Variants in EIF2AK4 observed in about 807,000 individuals in gnomAD.
EIF2AK4 encodes the protein eukaryotic translation initiation factor 2 alpha kinase 4, also known as eIF-2-alpha kinase GCN2.
Under a neutral mutation model 211.1 loss-of-function variants are expected in EIF2AK4, and 139 were observed. That is an observed-to-expected ratio of 0.66 (90% CI 0.57 to 0.76). The LOEUF (loss-of-function observed/expected upper bound fraction) is 0.76. Among genes scored for constraint, EIF2AK4 ranks in the 30% least tolerant of loss-of-function variants. The pLI is 0.00. For missense variants in EIF2AK4, 1,664 were observed against 2,043.8 expected (o/e 0.81, Z 3.58); for synonymous variants, 710 against 751.3 (o/e 0.94, Z 0.90).
chr15:39,961,225 A>G (rs777629302), intron 6 of EIF2AK4, among the ~76,000 whole-genome samples: 6 of 152,240 alleles, frequency 3.9e-5, no homozygotes, highest in East Asian at 3.8e-4. Flanking sequence ...TGTGCACTCA[A>G]TGGCTGGAGG....
At chr15:39,979,950 A>C (rs2034757964) in intron 13 of EIF2AK4, among the ~76,000 whole-genome samples, 1 of 152,240 alleles carries the variant, frequency 6.6e-6, no homozygotes, top group Admixed American at 6.5e-5. Context: ...GGGAAGGCGC[A>C]AGAAGCTCTT....
intron 13 of EIF2AK4, among the ~76,000 whole-genome samples, chr15:39,978,708 T>C (rs1047069893): frequency 6.6e-6 from 1 of 152,326 alleles, no homozygotes; most frequent in East Asian, 1.9e-4. Flanking sequence ...GCTGATAAGC[T>C]AAACAAACAA....
intron 7 of EIF2AK4, 147 bp from the exon 8 acceptor site, chr15:39,965,539 A>G: frequency 1.1e-6 from 1 of 896,504 alleles, no homozygotes; most frequent in South Asian, 1.9e-5. Context: ...TGTTTACAAA[A>G]GGACATTATT....
chr15:39,938,813 G>A (rs944554692), intron 1 of EIF2AK4, among the ~76,000 whole-genome samples: 26 of 152,178 alleles, frequency 1.7e-4, no homozygotes, highest in Non-Finnish European at 1.9e-4. Flanking sequence ...GACCATGGGA[G>A]CGCTCAGCCA....
intron 14 of EIF2AK4, among the ~76,000 whole-genome samples, chr15:39,986,204 T>C (rs1566995056): frequency 6.8e-6 from 1 of 147,930 alleles, no homozygotes; most frequent in Non-Finnish European, 1.5e-5. Flanking sequence ...TCCCCATCTA[T>C]AAATTACATA....
intron 33 of EIF2AK4, 25 bp downstream of exon 33, chr15:40,026,114 A>C (rs754848669): frequency 6.3e-7 from 1 of 1,596,532 alleles, no homozygotes; most frequent in South Asian, 1.1e-5. Context: ...AAAAGCCGAG[A>C]AAAGTGACTT....
chr15:39,944,258 T>C (rs2034189734), intron 3 of EIF2AK4, among the ~76,000 whole-genome samples: 2 of 152,130 alleles, frequency 1.3e-5, no homozygotes, highest in Non-Finnish European at 2.9e-5. Context: ...ATATGAGTTC[T>C]CTCCTGGGTG....
rs149274680 is a variant in EIF2AK4 at position 39,966,840 on chromosome 15, A to AT, written c.1018-494dup. Among the ~76,000 whole-genome samples the AT allele has an allele frequency of 7.1e-3, 1,065 of 150,890 alleles. 14 individuals carry two copies. Among genetic ancestry groups the AT allele is most frequent in the African/African-American group, 0.024 (979 of 41,138 alleles). On this transcript the variant is annotated intron_variant, in intron 8 of 38. Transcript: ENST00000263791. Reference sequence around the variant, plus strand: ...AATGATCTTTATTAAATCAGAAAAGATTTTTTTTTTCTGTCTTCAACCTTA... The same window carrying AT: ...AATGATCTTTATTAAATCAGAAAAGATTTTTTTTTTTCTGTCTTCAACCTTA...
chr15:40,012,504 A>C (rs1452948944), intron 27 of EIF2AK4, among the ~76,000 whole-genome samples: 1 of 152,366 alleles, frequency 6.6e-6, no homozygotes, highest in Non-Finnish European at 1.5e-5. Context: ...CAGTATTTAC[A>C]TATAATCTAA....
chr15:39,940,892 A>G (rs1176709815), intron 2 of EIF2AK4, among the ~76,000 whole-genome samples: 1 of 152,164 alleles, frequency 6.6e-6, no homozygotes, highest in African/African-American at 2.4e-5. Context: ...ATAACTGGCT[A>G]TAAATTTAGG....
chr15:39,977,132 T>C lies in EIF2AK4; in HGVS notation c.2249+288T>C, dbSNP rs7169411. 153,454 of 323,560 alleles carry C rather than the reference T, an allele frequency of 0.47. 36,646 individuals carry two copies. The highest frequency in any genetic ancestry group is 0.5 in the Non-Finnish European group (89,383 of 178,868). The allele number at this position is 323,560 out of a possible 1,614,324, so 20.0% of individuals were successfully genotyped here. On this transcript the variant is annotated intron_variant, in intron 12 of 38. Transcript: ENST00000263791. ...GAAATCCAGACGTGTTGACCATGTT[T>C]AAAAACAAAAACAAAAACAAAACAA...
chr15:40,009,783 A>G, intron 26 of EIF2AK4, 53 bp downstream of exon 26: 1 of 1,200,512 alleles, frequency 8.3e-7, no homozygotes, highest in South Asian at 1.3e-5. Flanking sequence ...ATGTTGAAAG[A>G]TAATAATAAT....
intron 18 of EIF2AK4, among the ~76,000 whole-genome samples, chr15:39,993,568 A>G (rs928060485): frequency 6.6e-6 from 1 of 152,214 alleles, no homozygotes; most frequent in African/African-American, 2.4e-5. Context: ...ACATAAAGAG[A>G]AAGCCCTGAG....
In EIF2AK4 at chr15:40,035,179, C is replaced by T. The variant is rs115329968; in HGVS notation, c.*95C>T. On this transcript the variant is annotated 3_prime_UTR_variant, in exon 39 of 39. Coordinates refer to ENST00000263791, the MANE Select transcript of EIF2AK4 (RefSeq NM_001013703.4). ...ATTCATCATAATTTAAAATTAAATT[C>T]TAAGAAGAGGCTGGGTGCAGTGGCT... 3.6e-3 allele frequency: 3,807 copies of T among 1,055,312 alleles called. 45 individuals are homozygous for T. The African/African-American group carries it at 0.042, about 12-fold the overall frequency. The allele number at this position is 1,055,312 out of a possible 1,614,324, so 65.4% of individuals were successfully genotyped here.
chr15:39,999,703 C>T (rs1566999627), intron 20 of EIF2AK4, among the ~76,000 whole-genome samples: 1 of 152,164 alleles, frequency 6.6e-6, no homozygotes, highest in Non-Finnish European at 1.5e-5. Context: ...GGGACCTATT[C>T]TGCCTCATCT....
At chr15:39,980,143 T>G (rs1191428913) in intron 13 of EIF2AK4, among the ~76,000 whole-genome samples, 1 of 152,232 alleles carries the variant, frequency 6.6e-6, no homozygotes, top group Non-Finnish European at 1.5e-5. Context: ...CTAACTATTC[T>G]TTCAACGTCA....
intron 6 of EIF2AK4, among the ~76,000 whole-genome samples, chr15:39,958,758 C>T (rs1196907860): frequency 6.6e-6 from 1 of 152,086 alleles, no homozygotes; most frequent in Non-Finnish European, 1.5e-5. Flanking sequence ...CTATCCCTGC[C>T]CCTGTGTCTC....
chr15:39,985,033 C>G (rs552160350), intron 13 of EIF2AK4, among the ~76,000 whole-genome samples: 1 of 152,220 alleles, frequency 6.6e-6, no homozygotes, highest in South Asian at 2.1e-4. Context: ...TCCATCAATA[C>G]CTAGTTTATT....
chr15:40,008,078 C>G lies in EIF2AK4; in HGVS notation c.3459C>G (p.Pro1153=). 6.2e-7 allele frequency: 1 copy of G among 1,611,234 alleles called. No homozygotes were observed. The highest frequency in any genetic ancestry group is 2.2e-5 in the East Asian group (1 of 44,734). The part of the protein sequence containing the change: ...FRPRKLDRFH[P]KELLECAFDI... ...CGCGCAAGTTAGATCGATTTCATCC[C>G]AAAGAACTTCTGGAGTGTGCATTTG... Residue 1153 remains proline, a synonymous_variant, in exon 25 of 39, where the codon CCC becomes CCG. Transcript: ENST00000263791.
Sources: gnomAD v4.1 joint callset for allele counts (sites outside exome capture counted in the v4.1 genomes callset) on GRCh38, gnomAD v4.1.1 for gene constraint, MANE v1.5 for transcripts, NCBI Gene and HGNC (gene_info 2026-07-23, HGNC 2026-07-21) for gene names.